NFATC1: variants seen among roughly 807,000 people sequenced by gnomAD.
NFATC1 encodes the protein nuclear factor of activated T cells 1.
Under a neutral mutation model 76.0 loss-of-function variants are expected in NFATC1, and 22 were observed. The ratio of observed to expected loss-of-function variants is 0.29; its 90% CI spans 0.21 to 0.41. The LOEUF is 0.41. Among genes scored for constraint, NFATC1 ranks in the 10% least tolerant of loss-of-function variants. The pLI is 1.00. For missense variants in NFATC1, 1,357 were observed against 1,337.7 expected (o/e 1.01, Z -0.23); for synonymous variants, 704 against 613.1 (o/e 1.15, Z -2.19).
chr18:79,441,537 C>T (rs545699221), intron 3 of NFATC1, among the ~76,000 whole-genome samples: 1 of 152,298 alleles, frequency 6.6e-6, no homozygotes, highest in Admixed American at 6.5e-5. Flanking sequence ...ATGTGTCTCC[C>T]TGAGATCAGC....
intron 2 of NFATC1, among the ~76,000 whole-genome samples, chr18:79,431,877 A>G (rs2086601899): frequency 6.6e-6 from 1 of 151,804 alleles, no homozygotes; most frequent in Admixed American, 6.6e-5. Flanking sequence ...TAATTTTTGT[A>G]TTTTTAGTAG....
intron 9 of NFATC1, among the ~76,000 whole-genome samples, chr18:79,522,510 G>C (rs187965250): frequency 7.8e-6 from 1 of 127,418 alleles, no homozygotes; most frequent in Admixed American, 7.9e-5. Context: ...GTTTTGTGTG[G>C]GGGGGGTGCG....
At position 79,450,987 on chromosome 18, in the gene NFATC1, C is replaced by T; in HGVS notation, c.1623C>T (p.Asn541=). The T allele has an allele frequency of 6.2e-7, 1 of 1,613,818 alleles. No homozygotes were observed. Residue 541 remains asparagine (N), a synonymous_variant, in exon 5 of 10, where the codon AAC becomes AAT. Transcript: ENST00000427363. ...IDCAGILKLR[N]SDIELRKGET... ...GTGCCGGAATCCTGAAACTCAGAAA[C>T]TCCGACATTGAACTTCGGAAAGGAG...
At chr18:79,406,042 C>T (rs758970697) in intron 1 of NFATC1, among the ~76,000 whole-genome samples, 16 of 152,320 alleles carry the variant, frequency 1.1e-4, no homozygotes, top group South Asian at 2.1e-4. Flanking sequence ...TAGAACCTTC[C>T]GGTGATCTGG....
At chr18:79,474,004 A>G (rs1264402164) in intron 8 of NFATC1, among the ~76,000 whole-genome samples, 15 of 120,558 alleles carry the variant, frequency 1.2e-4, no homozygotes, top group Non-Finnish European at 2.0e-4. Flanking sequence ...GCGTTTTCAC[A>G]CTCACTGTCG....
At position 79,400,654 on chromosome 18, in the gene NFATC1, G is replaced by A. The variant is rs1357802365; in HGVS notation, c.127+4303G>A. On this transcript the variant is annotated intron_variant, in intron 1 of 9. Transcript: ENST00000427363. ...TGCGGGGCGTCCTGGGCTCGGATGC[G>A]GTTCCTCCGAGCGCTCGCGGCGGGG... 2.1e-5 allele frequency among the ~76,000 whole-genome samples: 3 copies of A among 142,056 alleles called. No individual in the cohort carries two copies. In the East Asian group the frequency reaches 6.7e-4, roughly 32 times the overall value. The allele number at this position is 142,056 out of a possible 152,430, so 93.2% of individuals were successfully genotyped here. A position where few individuals can be genotyped will look rare whatever the true frequency, so the allele number is the denominator to read the frequency against.
At chr18:79,402,725 A>C (rs1487941182) in intron 1 of NFATC1, among the ~76,000 whole-genome samples, 1 of 152,188 alleles carries the variant, frequency 6.6e-6, no homozygotes, top group Non-Finnish European at 1.5e-5. Flanking sequence ...TTACGTGTAC[A>C]TATTGTGTTT....
intron 1 of NFATC1, among the ~76,000 whole-genome samples, chr18:79,409,902 C>T (rs184259979): frequency 2.1e-4 from 32 of 152,248 alleles, no homozygotes; most frequent in Non-Finnish European, 3.4e-4. Flanking sequence ...GATTGTGATA[C>T]GTATTTAGGA....
chr18:79,463,362 G>T (rs987377360), intron 7 of NFATC1, among the ~76,000 whole-genome samples: 1 of 152,238 alleles, frequency 6.6e-6, no homozygotes, highest in African/African-American at 2.4e-5. Context: ...GTGAGTCAGG[G>T]TGCTCAGAAG....
intron 2 of NFATC1, among the ~76,000 whole-genome samples, chr18:79,417,927 G>T (rs1043466413): frequency 6.6e-6 from 1 of 151,180 alleles, no homozygotes; most frequent in Non-Finnish European, 1.5e-5. Flanking sequence ...TGTGGTGGGA[G>T]ATGGGAGATG....
intron 1 of NFATC1, among the ~76,000 whole-genome samples, chr18:79,405,709 C>T (rs954176107): frequency 1.4e-4 from 21 of 152,226 alleles, no homozygotes; most frequent in African/African-American, 3.1e-4. Flanking sequence ...TTTGAGCTTT[C>T]GTTTTGTCAT....
intron 2 of NFATC1, among the ~76,000 whole-genome samples, chr18:79,432,606 T>C (rs901033755): frequency 2.6e-5 from 4 of 152,316 alleles, no homozygotes; most frequent in Admixed American, 2.6e-4. Context: ...CCACAGAGCC[T>C]TGGCCCTCCC....
rs536490862 is a variant in NFATC1, at chr18:79,450,938, C to T, written c.1590-16C>T. The T allele has an allele frequency of 5.0e-6, 8 of 1,605,962 alleles. No homozygotes were observed. The East Asian group carries it at 1.8e-4, about 36-fold the overall frequency. ...CAGCCATTGAAAGAAAAGCTGTGGGCTTTTGTTTTGGGCAGCATTGACTGT... is the reference window on the plus strand; with the variant it reads ...CAGCCATTGAAAGAAAAGCTGTGGGTTTTTGTTTTGGGCAGCATTGACTGT... On this transcript the variant is annotated splice_polypyrimidine_tract_variant and intron_variant, in intron 4 of 9. Transcript: ENST00000427363.
intron 2 of NFATC1, among the ~76,000 whole-genome samples, chr18:79,425,041 C>G (rs1045185437): frequency 1.4e-5 from 2 of 147,896 alleles, no homozygotes; most frequent in Non-Finnish European, 2.9e-5. Context: ...CTCCATCTCT[C>G]TCTCCGTCTC....
intron 7 of NFATC1, 100 bp from the exon 8 acceptor site, chr18:79,467,349 TG>T (rs1165599472): frequency 8.4e-7 from 1 of 1,194,636 alleles, no homozygotes. Context: ...GGTTGCCGTG[TG>T]GCCGCCGTGG....
At chr18:79,491,217 C>T (rs943130156) in intron 9 of NFATC1, among the ~76,000 whole-genome samples, 2 of 152,102 alleles carry the variant, frequency 1.3e-5, no homozygotes, top group African/African-American at 2.4e-5. Flanking sequence ...GGGGCTCAGT[C>T]GCTGGCTTAG....
intron 9 of NFATC1, among the ~76,000 whole-genome samples, chr18:79,488,081 G>A (rs560888238): frequency 9.2e-5 from 14 of 152,174 alleles, no homozygotes; most frequent in East Asian, 3.9e-4. Context: ...CTGACCCAGG[G>A]GGGGCAGGGA....
intron 2 of NFATC1, among the ~76,000 whole-genome samples, chr18:79,423,478 G>A (rs1193314353): frequency 3.3e-5 from 5 of 152,230 alleles, no homozygotes; most frequent in Non-Finnish European, 7.3e-5. Context: ...CCTTGGGGAG[G>A]ACAGATGGGG....
intron 3 of NFATC1, among the ~76,000 whole-genome samples, chr18:79,435,886 C>T (rs574790515): frequency 1.2e-4 from 18 of 152,254 alleles, no homozygotes; most frequent in African/African-American, 2.9e-4. Context: ...GTCCCCTGCA[C>T]GGAGAATGTC....
Sources: allele counts gnomAD v4.1 joint callset (sites outside exome capture counted in the v4.1 genomes callset), GRCh38; gene constraint gnomAD v4.1.1; transcripts MANE v1.5; gene names NCBI Gene and HGNC (gene_info 2026-07-23, HGNC 2026-07-21).